Variants in TAF4 observed in about 807,000 individuals in gnomAD.
TAF4 encodes TATA-box binding protein associated factor 4.
In TAF4, 9 loss-of-function variants were observed where a neutral mutation model predicts 90.3. That is an observed-to-expected ratio of 0.10 (90% CI 0.06 to 0.17). The LOEUF (loss-of-function observed/expected upper bound fraction) is 0.17. Ranked by LOEUF, TAF4 falls within the 10% of genes least tolerant of loss-of-function variation. The pLI, the probability that TAF4 is intolerant of heterozygous loss-of-function variation, is 1.00. For synonymous variants in TAF4, 818 were observed against 638.9 expected (o/e 1.28, Z -4.23); for missense variants, 1,351 against 1,370.7 (o/e 0.99, Z 0.23).
At chr20:62,008,949 C>G in intron 5 of TAF4, 103 bp downstream of exon 5, 1 of 1,456,140 alleles carries the variant, frequency 6.9e-7, no homozygotes, top group Non-Finnish European at 9.1e-7. Context: ...AGGAGCTCTC[C>G]CTGCTGGCAC....
chr20:62,006,599 T>C lies in TAF4; in HGVS notation c.2134A>G (p.Thr712Ala). 1 of 1,599,522 alleles carries C rather than the reference T, an allele frequency of 6.3e-7. No homozygotes were observed. Among genetic ancestry groups the C allele is most frequent in the Non-Finnish European group, 8.5e-7 (1 of 1,174,784 alleles). The stretch of plus-strand genomic sequence containing the variant: ...GGGGGCTGGAGGGCACTGGTCACGG[T>C]GGCCGCCGTCTTCCCGGCCGTGCGC... ...VQRTAGKTAA[T>A]VTSALQPPVL... The change falls in exon 7 of 15, where the codon ACC (threonine) becomes GCC (alanine). Residue 712 changes from threonine (T) to alanine (A), a missense_variant. Physicochemically the swap from Thr to Ala is moderately conservative, Grantham distance 58. Coordinates refer to ENST00000252996, the MANE Select transcript of TAF4 (RefSeq NM_003185.4). The surrounding 1 kb of genome is among the most constrained non-coding windows in gnomAD (Gnocchi z 7.0).
rs1309890441 is a variant in TAF4, at chr20:62,065,622, C to G, written c.189G>C (p.Val63=). 8 of 1,020,976 alleles carry G rather than the reference C, an allele frequency of 7.8e-6. No homozygotes were observed. Among genetic ancestry groups the G allele is most frequent in the Admixed American group, 6.0e-5 (1 of 16,628 alleles). The allele number at this position is 1,020,976 out of a possible 1,614,324, so 63.2% of individuals were successfully genotyped here. The change falls in exon 1 of 15, where the codon GTG becomes GTC. Residue 63 remains valine, a synonymous_variant. Coordinates refer to ENST00000252996, the MANE Select transcript of TAF4 (RefSeq NM_003185.4). ...AAAGALGNHV[V]SGSPAGAAGA... is the part of the protein sequence containing the mutation. ...CCGCGGCTCCGGCCGGGCTGCCGCT[C>G]ACAACATGGTTCCCGAGCGCGCCGG...
chr20:62,056,675 C>A (rs2056066076), intron 1 of TAF4, among the ~76,000 whole-genome samples: 1 of 152,158 alleles, frequency 6.6e-6, no homozygotes, highest in African/African-American at 2.4e-5. Context: ...CAGAAAAACA[C>A]AGAAGCAGAT....
intron 1 of TAF4, among the ~76,000 whole-genome samples, chr20:62,055,240 T>G (rs1456673171): frequency 6.7e-6 from 1 of 149,848 alleles, no homozygotes; most frequent in Non-Finnish European, 1.5e-5. Flanking sequence ...TGCAAGACAA[T>G]AGATTCACGC....
chr20:62,023,658 G>GA (rs2055856611), intron 1 of TAF4, among the ~76,000 whole-genome samples: 2 of 142,334 alleles, frequency 1.4e-5, no homozygotes, highest in South Asian at 4.5e-4. Flanking sequence ...TGAGGCAGGA[G>GA]AATCGCTTGA....
rs2056120476 is a variant in TAF4, at chr20:62,065,201, G to A, written c.610C>T (p.Leu204=). The part of the protein sequence containing the change: ...AAQTLNGSAA[L]LNSHHAAAPA... ...GCGGCGGCGTGGTGCGAGTTCAGCA[G>A]CGCGGCGCTCCCATTCAAAGTTTGC... The change falls in exon 1 of 15, where the codon CTG becomes TTG. Residue 204 remains leucine, a synonymous_variant. Coordinates refer to ENST00000252996, the MANE Select transcript of TAF4 (RefSeq NM_003185.4). 1 of 1,190,416 alleles carries A rather than the reference G, an allele frequency of 8.4e-7. No homozygotes were observed. The highest frequency in any genetic ancestry group is 1.7e-5 in the African/African-American group (1 of 59,196). The allele number at this position is 1,190,416 out of a possible 1,614,324, so 73.7% of individuals were successfully genotyped here.
intron 12 of TAF4, among the ~76,000 whole-genome samples, chr20:61,998,439 C>T (rs1353928016): frequency 1.3e-5 from 2 of 152,202 alleles, no homozygotes; most frequent in Admixed American, 6.5e-5. Context: ...ATCTACCAAT[C>T]GCAGGCTCTG....
chr20:62,003,508 G>A (rs1213400292), intron 8 of TAF4, among the ~76,000 whole-genome samples: 1 of 152,166 alleles, frequency 6.6e-6, no homozygotes, highest in East Asian at 1.9e-4. Flanking sequence ...AATGATTACA[G>A]ATAAAGAAGC....
rs1488709894 is a variant in TAF4 at position 62,064,501 on chromosome 20, G to A, written c.1310C>T (p.Pro437Leu). 7.3e-6 allele frequency: 11 copies of A among 1,516,958 alleles called. No homozygotes were observed. Among genetic ancestry groups the A allele is most frequent in the African/African-American group, 2.8e-5 (2 of 70,722 alleles). The allele number at this position is 1,516,958 out of a possible 1,614,324, so 94.0% of individuals were successfully genotyped here. The change falls in exon 1 of 15, where the codon CCG becomes CTG. Residue 437 changes from proline (P) to leucine (L), a missense_variant. This residue lies in a region of TAF4 where 782 missense variants were observed against 536.6 expected (regional missense o/e 1.46). Coordinates refer to ENST00000252996, the MANE Select transcript of TAF4 (RefSeq NM_003185.4). ...GTTGGTCGGGTTCTGAGGCGGCTGC[G>A]GCAAGCGGGGGGCCAGCACGGTGGG... The part of the protein sequence containing the change: ...LTPTVLAPRL[P>L]QPPQNPTNIQ...
intron 1 of TAF4, among the ~76,000 whole-genome samples, chr20:62,063,157 G>A (rs1307529313): frequency 6.6e-6 from 1 of 152,118 alleles, no homozygotes; most frequent in East Asian, 1.9e-4. Context: ...TTCCTCCCTG[G>A]AGCACTGCAG....
chr20:61,994,997 C>A (rs2055654629), intron 14 of TAF4, among the ~76,000 whole-genome samples: 1 of 152,202 alleles, frequency 6.6e-6, no homozygotes, highest in South Asian at 2.1e-4. Context: ...ACTTGAGTCC[C>A]ACTAAGTTAA....
chr20:62,000,434 T>C, intron 10 of TAF4, 118 bp downstream of exon 10: 1 of 1,419,222 alleles, frequency 7.0e-7, no homozygotes, highest in Non-Finnish European at 9.6e-7. Flanking sequence ...AGCAACCATG[T>C]GGAAATCACA....
At position 61,975,930 on chromosome 20, in the gene TAF4, A is replaced by G. The variant is rs2055491455; in HGVS notation, c.*238T>C. Reference sequence around the variant, plus strand: ...TTTATATATGGCTTGTTTGGCAGGAAGGCCACTCAATCAAGATGAGTTAAG... The same window carrying G: ...TTTATATATGGCTTGTTTGGCAGGAGGGCCACTCAATCAAGATGAGTTAAG... On this transcript the variant is annotated 3_prime_UTR_variant, in exon 15 of 15. Transcript: ENST00000252996. 2.0e-6 allele frequency: 1 copy of G among 512,012 alleles called. No homozygotes were observed. Among genetic ancestry groups the G allele is most frequent in the Non-Finnish European group, 3.5e-6 (1 of 288,124 alleles). 31.7% of individuals were successfully genotyped at this position (512,012 alleles called of 1,614,324 possible). A position where few individuals can be genotyped will look rare whatever the true frequency, so the allele number is the denominator to read the frequency against.
At chr20:62,007,337 A>G (rs907873317) in intron 6 of TAF4, among the ~76,000 whole-genome samples, 6 of 152,192 alleles carry the variant, frequency 3.9e-5, no homozygotes, top group South Asian at 2.1e-4. Flanking sequence ...ACAGAACCAC[A>G]AGGCCACCGT....
At chr20:62,040,430 G>A (rs2055957113) in intron 1 of TAF4, among the ~76,000 whole-genome samples, 1 of 152,232 alleles carries the variant, frequency 6.6e-6, no homozygotes, top group African/African-American at 2.4e-5. Context: ...AAATCACAGT[G>A]ACAGCAGCAG....
intron 1 of TAF4, chr20:62,064,197 C>T (rs927991659): frequency 2.0e-5 from 8 of 397,536 alleles, no homozygotes; most frequent in African/African-American, 1.7e-4. Context: ...AACAGACCAG[C>T]CCCAGGCACA....
chr20:62,059,241 AACAGCGG>A (rs1221912754), intron 1 of TAF4, among the ~76,000 whole-genome samples: 1 of 152,204 alleles, frequency 6.6e-6, no homozygotes, highest in Non-Finnish European at 1.5e-5. Context: ...CGGACTGACC[AACAGCGG>A]ACACCAGGTA....
At chr20:62,007,057 T>A (rs866875073) in intron 6 of TAF4, 32 of 329,524 alleles carry the variant, frequency 9.7e-5, no homozygotes, top group African/African-American at 6.1e-4. Context: ...AGATTCTGAA[T>A]GTTCCCAACA....
chr20:62,046,544 A>T (rs2055994316), intron 1 of TAF4, among the ~76,000 whole-genome samples: 1 of 152,194 alleles, frequency 6.6e-6, no homozygotes, highest in Non-Finnish European at 1.5e-5. Context: ...TCCTGCGTGG[A>T]GCTGAGCAGC....
Sources: gnomAD v4.1 joint callset for allele counts (sites outside exome capture counted in the v4.1 genomes callset) on GRCh38, gnomAD v4.1.1 for gene constraint, gnomAD v4.1.1 regional missense constraint, Gnocchi (gnomAD v3.1) non-coding constraint, MANE v1.5 for transcripts, NCBI Gene and HGNC (gene_info 2026-07-23, HGNC 2026-07-21) for gene names.